NR1I3: variants seen among roughly 807,000 people sequenced by gnomAD.
NR1I3 encodes nuclear receptor subfamily 1 group I member 3, also known as constitutive activator of retinoid response.
NR1I3 carries 30 observed loss-of-function variants against 38.4 expected under a neutral mutation model. The observed-to-expected ratio is 0.78, with a 90% CI of 0.58 to 1.06. NR1I3 has a LOEUF of 1.06. NR1I3 is among the 50% of genes least tolerant of loss of function. The probability of loss-of-function intolerance (pLI) is 0.00; values close to 1 mark genes in which losing one functional copy is unlikely to be tolerated. For missense variants in NR1I3, 388 were observed against 435.7 expected, an observed-to-expected ratio of 0.89 and a Z score of 0.97; for synonymous variants, 143 against 165.1, an observed-to-expected ratio of 0.87 and a Z score of 1.03.
In NR1I3 at chr1:161,231,448, G is replaced by A. The variant is rs1558110101; in HGVS notation, c.575C>T (p.Ser192Phe). The part of the protein sequence containing the change: ...FRSLPIEDQI[S>F]LLKGAAVEIC... ...TTCCACAGCTGCTCCCTTGAGAAGGGAGATCTGGTCTTCAATGGGCAGGGA... is the reference window on the plus strand; with the variant it reads ...TTCCACAGCTGCTCCCTTGAGAAGGAAGATCTGGTCTTCAATGGGCAGGGA... The change falls in exon 6 of 9, where the codon TCC becomes TTC. Residue 192 changes from serine (S) to phenylalanine (F), a missense_variant. Ser to Phe is a radical substitution (Grantham distance 155). Transcript: ENST00000367983. 1 of 1,576,702 alleles carries A rather than the reference G, an allele frequency of 6.3e-7. No homozygotes were observed. The highest frequency in any genetic ancestry group is 2.2e-5 in the East Asian group (1 of 44,770).
chr1:161,234,600 T>A (rs1668194920), intron 3 of NR1I3, among the ~76,000 whole-genome samples: 1 of 152,154 alleles, frequency 6.6e-6, no homozygotes, highest in South Asian at 2.1e-4. Flanking sequence ...AGAGAGGACA[T>A]CTCACTCTGT....
intron 5 of NR1I3, 44 bp from the exon 6 acceptor site, chr1:161,231,518 T>TC: frequency 6.4e-7 from 1 of 1,567,258 alleles, no homozygotes; most frequent in Non-Finnish European, 8.6e-7. Flanking sequence ...TTTTTTTTTT[T>TC]CTGAGACAGA....
chr1:161,231,038 T>C, intron 7 of NR1I3, 79 bp downstream of exon 7: 1 of 1,613,514 alleles, frequency 6.2e-7, no homozygotes, highest in South Asian at 1.1e-5. Flanking sequence ...CTAGAAGGCC[T>C]GGGTGGATGG....
chr1:161,230,948 T>C (rs764429489), intron 7 of NR1I3, 30 bp from the exon 8 acceptor site: 5 of 1,613,530 alleles, frequency 3.1e-6, no homozygotes, highest in Non-Finnish European at 4.2e-6. Flanking sequence ...GAAGGACAAG[T>C]TGGGTGGCAG....
At chr1:161,235,615 G>C (rs1421820759) in intron 3 of NR1I3, 1 of 441,642 alleles carries the variant, frequency 2.3e-6, no homozygotes, top group Non-Finnish European at 4.1e-6. Flanking sequence ...AGAATTGGTT[G>C]AGTAAAGGGG....
chr1:161,236,914 T>A (rs1558127742), intron 1 of NR1I3, among the ~76,000 whole-genome samples: 1 of 139,816 alleles, frequency 7.2e-6, no homozygotes, highest in Non-Finnish European at 1.5e-5. Context: ...TTTATTTATT[T>A]ATTTTTTTTG....
Position 161,233,223 on chromosome 1 carries a change from C to G in NR1I3, c.354G>C (p.Leu118=). ...KEQEELIRTL[L]GAHTRHMGTM... ...TGCCCATGTGGCGGGTGTGGGCCCC[C>G]AGGAGTGTCCGGATCAGCTCTTCTT... Residue 118 remains leucine, a synonymous_variant, in exon 4 of 9, where the codon CTG becomes CTC. Transcript: ENST00000367983. 1 of 1,614,206 alleles carries G rather than the reference C, an allele frequency of 6.2e-7. No individual in the cohort carries two copies.
chr1:161,236,100 T>TCCC, intron 2 of NR1I3, 123 bp from the exon 3 acceptor site: 1 of 1,129,028 alleles, frequency 8.9e-7, no homozygotes, highest in Non-Finnish European at 1.2e-6. Flanking sequence ...TGCCCAAAGG[T>TCCC]CCCCAGGGGT....
At chr1:161,230,197 G>A in intron 8 of NR1I3, 1 of 453,442 alleles carries the variant, frequency 2.2e-6, no homozygotes, top group Non-Finnish European at 4.0e-6. Flanking sequence ...GACTTGGCCA[G>A]AACTCCAACC....
chr1:161,230,612 G>A (rs1165390402), intron 8 of NR1I3: 6 of 677,010 alleles, frequency 8.9e-6, no homozygotes, highest in Admixed American at 5.9e-5. Flanking sequence ...GAAAAAGTGA[G>A]ATGAAACAGC....
intron 3 of NR1I3, 40 bp downstream of exon 3, chr1:161,235,807 C>G (rs370513498): frequency 1.9e-6 from 3 of 1,612,596 alleles, no homozygotes; most frequent in Non-Finnish European, 2.5e-6. Flanking sequence ...CAAAGACAGA[C>G]GCAGTCAATG....
rs761248912 is a variant in NR1I3, at chr1:161,230,890, C to G, written c.840G>C (p.Glu280Asp). 5.0e-6 allele frequency: 8 copies of G among 1,614,156 alleles called. No individual in the cohort carries two copies. The highest frequency in any genetic ancestry group is 5.9e-6 in the Non-Finnish European group (7 of 1,180,024). ...CCATCTCCTCTTGCAGCTGATCAATCTCATCTCTCTGGGTAACTCCAGGTC... is the reference window on the plus strand; with the variant it reads ...CCATCTCCTCTTGCAGCTGATCAATGTCATCTCTCTGGGTAACTCCAGGTC... ...PDRPGVTQRDEIDQLQEEMAL... is the reference protein window; with the variant it reads ...PDRPGVTQRDDIDQLQEEMAL... The change falls in exon 8 of 9, where the codon GAG becomes GAC. Residue 280 changes from glutamate (E) to aspartate (D), a missense_variant. Transcript: ENST00000367983.
chr1:161,230,686 A>G (rs1000743440), intron 8 of NR1I3, 127 bp downstream of exon 8: 2 of 1,265,490 alleles, frequency 1.6e-6, no homozygotes, highest in Admixed American at 1.9e-5. Flanking sequence ...AGGGGGAAGG[A>G]CTAGACCCCA....
intron 2 of NR1I3, 87 bp from the exon 3 acceptor site, chr1:161,236,064 C>A: frequency 1.4e-6 from 2 of 1,460,586 alleles, no homozygotes; most frequent in Non-Finnish European, 1.8e-6. Flanking sequence ...ACCTGGGAAT[C>A]TGGTGAAATG....
chr1:161,232,899 G>A lies in NR1I3; in HGVS notation c.456C>T (p.Ala152=). ...FIHHQPLPTL[A]PVLPLVTHFA... ...AGTGTGTGACCAGAGGCAGCACAGG[G>A]GCCAGGGTGGGCAAGGGCTGGTGAT... is the stretch of plus-strand genomic sequence containing the variant. The change falls in exon 5 of 9, where the codon GCC becomes GCT. Residue 152 remains alanine, a synonymous_variant. Transcript: ENST00000367983. 2 of 1,614,198 alleles carry A rather than the reference G, an allele frequency of 1.2e-6. No homozygotes were observed. Among genetic ancestry groups the A allele is most frequent in the South Asian group, 1.1e-5 (1 of 91,076 alleles).
chr1:161,235,356 C>G (rs1445289443), intron 3 of NR1I3: 1 of 147,784 alleles, frequency 6.8e-6, no homozygotes, highest in Admixed American at 6.8e-5. Flanking sequence ...GCTCCGCCTC[C>G]CGGGTTCACG....
At position 161,238,031 on chromosome 1, in the gene NR1I3, G is replaced by T. The variant is rs776608539; in HGVS notation, c.-34+10C>A. 1.2e-6 allele frequency: 2 copies of T among 1,612,332 alleles called. No individual in the cohort carries two copies. Among genetic ancestry groups the T allele is most frequent in the Non-Finnish European group, 1.7e-6 (2 of 1,178,400 alleles). Reference sequence around the variant, plus strand: ...TACATTTAGTCTTTGGTCCCCAACAGATTTCCTACCTGCTTCTCTTAGGCA... The same window carrying T: ...TACATTTAGTCTTTGGTCCCCAACATATTTCCTACCTGCTTCTCTTAGGCA... On this transcript the variant is annotated intron_variant, in intron 1 of 8. Transcript: ENST00000367983.
chr1:161,238,029 CA>C lies in NR1I3; in HGVS notation c.-34+11del. 6.2e-7 allele frequency: 1 copy of C among 1,612,206 alleles called. No homozygotes were observed. On this transcript the variant is annotated intron_variant, in intron 1 of 8. Transcript: ENST00000367983. The stretch of plus-strand genomic sequence containing the variant: ...ATTACATTTAGTCTTTGGTCCCCAA[CA>C]GATTTCCTACCTGCTTCTCTTAGGC...
In NR1I3 at chr1:161,230,151, C is replaced by A. The variant is rs190825298; in HGVS notation, c.918-225G>T. 35 of 540,530 alleles carry A rather than the reference C, an allele frequency of 6.5e-5. 1 individual carries two copies. The East Asian group carries it at 1.2e-3, about 18-fold the overall frequency. The allele number at this position is 540,530 out of a possible 1,614,324, so 33.5% of individuals were successfully genotyped here. A position where few individuals can be genotyped will look rare whatever the true frequency, so the allele number is the denominator to read the frequency against. On this transcript the variant is annotated intron_variant, in intron 8 of 8. Coordinates refer to ENST00000367983, the MANE Select transcript of NR1I3 (RefSeq NM_005122.5). ...TCACCATGCTCAGTTTTTTCTGAAC[C>A]CAGAGCTCTGAGAGCCGAGTGTGAA...
Sources: allele counts gnomAD v4.1 joint callset (sites outside exome capture counted in the v4.1 genomes callset), GRCh38; gene constraint gnomAD v4.1.1; transcripts MANE v1.5; gene names NCBI Gene and HGNC (gene_info 2026-07-23, HGNC 2026-07-21).